The following NOS2 variants were observed in gnomAD, a reference collection of about 807,000 sequenced individuals.
NOS2 encodes nitric oxide synthase, inducible.
In NOS2, 96 loss-of-function variants were observed where a neutral mutation model predicts 136.0. That is an observed-to-expected ratio of 0.71 (90% CI 0.60 to 0.84). NOS2 has a LOEUF of 0.84. Ranked by LOEUF, NOS2 falls within the 40% of genes least tolerant of loss-of-function variation. NOS2 has a pLI of 0.00. For missense variants in NOS2, 1,237 were observed against 1,496.9 expected (o/e 0.83, Z 2.87); for synonymous variants, 539 against 587.5 (o/e 0.92, Z 1.20).
Position 27,798,735 on chromosome 17 carries a change from G to C in NOS2, c.75C>G (p.Asn25Lys), listed in dbSNP as rs1451191280. Residue 25 changes from asparagine (N) to lysine (K), a missense_variant, in exon 2 of 27, where the codon AAC becomes AAG. By Grantham distance (94) the Asn-to-Lys change is moderately conservative. Around this residue, in one of 3 missense-constraint regions of NOS2, gnomAD observed 440 missense variants for 545.4 expected, o/e 0.81. Coordinates refer to ENST00000313735, the MANE Select transcript of NOS2 (RefSeq NM_000625.4). The part of the protein sequence containing the change: ...QYAMNGEKDI[N>K]NNVEKAPCAT... ...CACAGGGGGCTTTCTCCACATTGTT[G>C]TTGATGTCTTTTTCCCCATTCATTG... The C allele has an allele frequency of 6.2e-7, 1 of 1,613,868 alleles. No individual in the cohort carries two copies. Among genetic ancestry groups the C allele is most frequent in the African/African-American group, 1.3e-5 (1 of 74,930 alleles).
intron 21 of NOS2, 35 bp from the exon 22 acceptor site, chr17:27,763,040 G>A (rs199603962): frequency 1.5e-5 from 22 of 1,428,736 alleles, no homozygotes; most frequent in Admixed American, 6.5e-5. Context: ...GACTCAGGGC[G>A]CCTGTCCCGC....
chr17:27,798,608 G>A (rs770592468), intron 2 of NOS2, 92 bp downstream of exon 2: 11 of 781,980 alleles, frequency 1.4e-5, no homozygotes, highest in Non-Finnish European at 2.3e-5. Flanking sequence ...GGTGAGAGAG[G>A]AGGAGCAGAG....
In NOS2 at chr17:27,760,083, C is replaced by G. The variant is rs755714280; in HGVS notation, c.3106G>C (p.Gly1036Arg). The part of the protein sequence containing the change: ...QEEMLEMAQK[G>R]VLHAVHTAYS... Reference sequence around the variant, plus strand: ...GCTGTGTGCACCGCATGCAGCACCCCCTTCTGGGCCATCTCCAGCATCTCC... The same window carrying G: ...GCTGTGTGCACCGCATGCAGCACCCGCTTCTGGGCCATCTCCAGCATCTCC... The change falls in exon 25 of 27, where the codon GGG becomes CGG. Residue 1036 changes from glycine (G) to arginine (R), a missense_variant. Gly to Arg is a moderately radical substitution (Grantham distance 125, BLOSUM62 -2). Transcript: ENST00000313735. 1.0e-5 allele frequency: 16 copies of G among 1,602,892 alleles called. No individual in the cohort carries two copies. The South Asian group carries it at 1.0e-4, about 10-fold the overall frequency.
chr17:27,761,847 T>C (rs960400240), intron 22 of NOS2, among the ~76,000 whole-genome samples: 1 of 152,144 alleles, frequency 6.6e-6, no homozygotes, highest in Non-Finnish European at 1.5e-5. Flanking sequence ...TCCAACCAAC[T>C]GCAGAGGTCC....
At chr17:27,799,106 C>G (rs566101210) in intron 1 of NOS2, among the ~76,000 whole-genome samples, 2 of 136,934 alleles carry the variant, frequency 1.5e-5, no homozygotes, top group South Asian at 2.8e-4. Flanking sequence ...AACAATGAAC[C>G]CCCCCATCCC....
At chr17:27,766,955 C>T (rs562332120) in intron 18 of NOS2, among the ~76,000 whole-genome samples, 51 of 145,574 alleles carry the variant, frequency 3.5e-4, no homozygotes, top group Middle Eastern at 3.6e-3. Context: ...AAGCGGGAAT[C>T]GCGCCACTGC....
intron 6 of NOS2, 46 bp downstream of exon 6, chr17:27,782,898 C>T (rs764387596): frequency 9.4e-6 from 15 of 1,598,252 alleles, no homozygotes; most frequent in South Asian, 1.1e-5. Context: ...CTGCTCAGGG[C>T]CTGGCCGCCT....
chr17:27,759,593 G>A (rs1243158093), intron 25 of NOS2, among the ~76,000 whole-genome samples: 5 of 152,174 alleles, frequency 3.3e-5, no homozygotes, highest in African/African-American at 4.8e-5. Context: ...TGGGACAAAT[G>A]TGTGAAGGCC....
Position 27,760,062 on chromosome 17 carries a change from T to C in NOS2, c.3127A>G (p.Thr1043Ala), listed in dbSNP as rs770900006. The C allele has an allele frequency of 6.3e-7, 1 of 1,587,718 alleles. No homozygotes were observed. The highest frequency in any genetic ancestry group is 1.8e-5 in the Admixed American group (1 of 55,346). Residue 1043 changes from threonine to alanine, a missense_variant, in exon 25 of 27, where the codon ACA becomes GCA. Thr to Ala is a moderately conservative substitution (Grantham distance 58, BLOSUM62 0). Around this residue, in one of 3 missense-constraint regions of NOS2, gnomAD observed 782 missense variants for 909.9 expected, o/e 0.86. Coordinates refer to ENST00000313735, the MANE Select transcript of NOS2 (RefSeq NM_000625.4). The part of the protein sequence containing the change: ...AQKGVLHAVH[T>A]AYSRLPGKPK... ...TTGCCAGGCAGGCGGGAATAGGCTG[T>C]GTGCACCGCATGCAGCACCCCCTTC...
intron 18 of NOS2, 143 bp downstream of exon 18, chr17:27,767,562 C>T (rs1908345088): frequency 1.0e-6 from 1 of 972,646 alleles, no homozygotes; most frequent in African/African-American, 1.6e-5. Context: ...GTATTATGCC[C>T]TAACAGGCTC....
intron 24 of NOS2, 23 bp from the exon 25 acceptor site, chr17:27,760,201 T>C: frequency 6.6e-7 from 1 of 1,525,328 alleles, no homozygotes; most frequent in Non-Finnish European, 8.8e-7. Context: ...CGGGCTGTTG[T>C]TACCATGTTG....
At position 27,774,505 on chromosome 17, in the gene NOS2, G is replaced by A; in HGVS notation, c.1282-54C>T. ...AGATAAGGGTGGGGGAATCAGGAGA[G>A]GGGCCGGTTGGCCGCAGGGCTCCCA... On this transcript the variant is annotated intron_variant, in intron 11 of 26. Transcript: ENST00000313735. The A allele has an allele frequency of 7.4e-6, 10 of 1,348,484 alleles. No individual in the cohort carries two copies. The South Asian group carries it at 1.9e-4, about 25-fold the overall frequency. 83.5% of individuals were successfully genotyped at this position (1,348,484 alleles called of 1,614,324 possible). A position where few individuals can be genotyped will look rare whatever the true frequency, so the allele number is the denominator to read the frequency against.
chr17:27,793,746 C>A (rs1054361218), intron 2 of NOS2: 1 of 389,512 alleles, frequency 2.6e-6, no homozygotes. Context: ...TCCCAGCGCC[C>A]GCGCTTTATC....
chr17:27,781,526 C>G (rs1279608452), intron 7 of NOS2, among the ~76,000 whole-genome samples: 2 of 152,180 alleles, frequency 1.3e-5, no homozygotes, highest in Non-Finnish European at 2.9e-5. Context: ...CACTCTTCCT[C>G]CTACCCCCCC....
At chr17:27,781,879 A>G (rs1390284810) in intron 7 of NOS2, 136 bp downstream of exon 7, 4 of 746,960 alleles carry the variant, frequency 5.4e-6, no homozygotes, top group Middle Eastern at 3.2e-4. Flanking sequence ...AAGAAGCCTG[A>G]GTCTTTCTCT....
chr17:27,797,763 T>G (rs1327064709), intron 2 of NOS2, among the ~76,000 whole-genome samples: 1 of 152,190 alleles, frequency 6.6e-6, no homozygotes, highest in African/African-American at 2.4e-5. Context: ...CCTTGACTTG[T>G]TCATTAACTG....
In NOS2 at chr17:27,767,861, C is replaced by G. The variant is rs375118622; in HGVS notation, c.2035-24G>C. On this transcript the variant is annotated intron_variant, in intron 17 of 26. Transcript: ENST00000313735. ...GCCTGGAAGAAGGTGGAGCAGACTG[C>G]GGTTAATGGTCAGCAGCAGCAGCAT... The G allele has an allele frequency of 3.8e-5, 61 of 1,609,932 alleles. No homozygotes were observed. The African/African-American group carries it at 7.7e-4, about 20-fold the overall frequency.
At chr17:27,772,485 T>C in intron 13 of NOS2, 33 bp from the exon 14 acceptor site, 1 of 1,609,738 alleles carries the variant, frequency 6.2e-7, no homozygotes, top group South Asian at 1.1e-5. Flanking sequence ...AGGCGCTGTG[T>C]GCTGAGTCAG....
rs201520494 is a variant in NOS2 at position 27,758,831 on chromosome 17, C to T, written c.3354+50G>A. 304 of 1,304,984 alleles carry T rather than the reference C, an allele frequency of 2.3e-4. 4 individuals are homozygous for T. Among genetic ancestry groups the T allele is most frequent in the South Asian group, 2.2e-3 (123 of 56,548 alleles). 80.8% of individuals were successfully genotyped at this position (1,304,984 alleles called of 1,614,324 possible). On this transcript the variant is annotated intron_variant, in intron 26 of 26. Coordinates refer to ENST00000313735, the MANE Select transcript of NOS2 (RefSeq NM_000625.4). ...CTGCCACCCCTGGTCCTGGCTCCAA[C>T]GGCCTGTGCCCTTGGCCGGCACCTT...
Sources: allele counts gnomAD v4.1 joint callset (sites outside exome capture counted in the v4.1 genomes callset), GRCh38; gene constraint gnomAD v4.1.1; regional missense constraint gnomAD v4.1.1; transcripts MANE v1.5; gene names NCBI Gene and HGNC (gene_info 2026-07-23, HGNC 2026-07-21).